RPSA2: variants seen among roughly 807,000 people sequenced by gnomAD.
RPSA2 encodes ribosomal protein SA 2.
the RPSA2 span, among the ~76,000 whole-genome samples, chr19:23,836,737 T>C: frequency 6.6e-6 from 1 of 152,192 alleles, no homozygotes; most frequent in Non-Finnish European, 1.5e-5. Flanking sequence ...TATCGCATTG[T>C]GGTTTGATTT....
chr19:23,780,026 A>G, the RPSA2 span, among the ~76,000 whole-genome samples: 11 of 152,172 alleles, frequency 7.2e-5, no homozygotes, highest in Admixed American at 6.5e-5. Context: ...TTGGTAACCT[A>G]CATCTCAGCC....
At chr19:23,828,378 A>G in the RPSA2 span, among the ~76,000 whole-genome samples, 1 of 143,982 alleles carries the variant, frequency 6.9e-6, no homozygotes, top group African/African-American at 2.6e-5. Context: ...GTCTCTGTAT[A>G]CTTTTGAGGT....
chr19:23,794,573 A>G, the RPSA2 span, among the ~76,000 whole-genome samples: 1 of 152,002 alleles, frequency 6.6e-6, no homozygotes, highest in South Asian at 2.1e-4. Flanking sequence ...TTTGTTATAG[A>G]TTCTGGATAT....
chr19:23,761,926 TTTTTTTTTTGAGATGGAG>T, the RPSA2 span, among the ~76,000 whole-genome samples: 4 of 124,780 alleles, frequency 3.2e-5, no homozygotes, highest in African/African-American at 9.8e-5. Flanking sequence ...CTTTCTTTTT[TTTTTTTTTTGAGATGGAG>T]TCTTGCTCTA....
At chr19:23,807,541 C>T in the RPSA2 span, among the ~76,000 whole-genome samples, 1 of 152,116 alleles carries the variant, frequency 6.6e-6, no homozygotes, top group Admixed American at 6.5e-5. Context: ...AAATATAGTA[C>T]TCAAAAATGT....
the RPSA2 span, among the ~76,000 whole-genome samples, chr19:23,802,924 CAA>C: frequency 6.6e-6 from 1 of 152,052 alleles, no homozygotes; most frequent in Admixed American, 6.6e-5. Context: ...TATTTATAAA[CAA>C]GAGTTATTAT....
chr19:23,824,064 C>A, the RPSA2 span, among the ~76,000 whole-genome samples: 1 of 152,132 alleles, frequency 6.6e-6, no homozygotes, highest in African/African-American at 2.4e-5. Context: ...AAAAGCTGAG[C>A]CCTGGACAAG....
chr19:23,824,340 C>T, the RPSA2 span, among the ~76,000 whole-genome samples: 4 of 143,646 alleles, frequency 2.8e-5, no homozygotes, highest in South Asian at 2.4e-4. Flanking sequence ...GTCTTGTGAC[C>T]TTGTCATGTT....
At chr19:23,761,931 T>TCTCTCTCTCTC in the RPSA2 span, among the ~76,000 whole-genome samples, 1 of 61,716 alleles carries the variant, frequency 1.6e-5, no homozygotes, top group African/African-American at 7.4e-5. Flanking sequence ...TTTTTTTTTT[T>TCTCTCTCTCTC]TTTTGAGATG....
At chr19:23,803,568 ATATT>A in the RPSA2 span, among the ~76,000 whole-genome samples, 19 of 152,022 alleles carry the variant, frequency 1.2e-4, no homozygotes, top group East Asian at 3.7e-3. Context: ...TCATCTGTCT[ATATT>A]TATATTCTAT....
At chr19:23,801,959 G>A in the RPSA2 span, among the ~76,000 whole-genome samples, 1 of 151,974 alleles carries the variant, frequency 6.6e-6, no homozygotes, top group Admixed American at 6.6e-5. Context: ...GATTGTACTC[G>A]CTGTAACAGC....
At chr19:23,864,261 G>A in the RPSA2 span, among the ~76,000 whole-genome samples, 2 of 152,176 alleles carry the variant, frequency 1.3e-5, no homozygotes, top group Admixed American at 1.3e-4. Context: ...TAATTTCTCT[G>A]AAGTAAACTC....
the RPSA2 span, chr19:23,828,176 A>C: frequency 1.6e-6 from 1 of 621,504 alleles, no homozygotes; most frequent in Non-Finnish European, 2.8e-6. Flanking sequence ...TACTTATATG[A>C]CCATATATGT....
chr19:23,805,115 TAAA>T, the RPSA2 span, among the ~76,000 whole-genome samples: 2 of 135,482 alleles, frequency 1.5e-5, no homozygotes, highest in Non-Finnish European at 3.1e-5. Flanking sequence ...ACCAAAAAAA[TAAA>T]AAGCACACAC....
At chr19:23,861,382 G>GC in the RPSA2 span, among the ~76,000 whole-genome samples, 24 of 152,086 alleles carry the variant, frequency 1.6e-4, no homozygotes, top group East Asian at 1.7e-3. Flanking sequence ...AGATAAGAGA[G>GC]CCCCCCCACT....
chr19:23,813,229 T>C, the RPSA2 span, among the ~76,000 whole-genome samples: 1 of 12,726 alleles, frequency 7.9e-5, no homozygotes, highest in East Asian at 2.7e-3. Context: ...TGAGACCCTG[T>C]CTCAAAAAAA....
At chr19:23,843,851 C>T in the RPSA2 span, among the ~76,000 whole-genome samples, 7 of 152,106 alleles carry the variant, frequency 4.6e-5, no homozygotes, top group Non-Finnish European at 7.4e-5. Context: ...TCTTTGCCTC[C>T]TGGGTTCAAG....
the RPSA2 span, among the ~76,000 whole-genome samples, chr19:23,781,429 C>T: frequency 6.6e-6 from 1 of 152,066 alleles, no homozygotes; most frequent in Admixed American, 6.6e-5. Flanking sequence ...ACTTCTGCCT[C>T]CTGGGTTCAA....
chr19:23,801,529 CTG>C, the RPSA2 span, among the ~76,000 whole-genome samples: 3 of 152,186 alleles, frequency 2.0e-5, no homozygotes, highest in African/African-American at 7.2e-5. Flanking sequence ...GCGTGAGCCA[CTG>C]TGGCTGTCTG....
Sources: gnomAD v4.1 joint callset for allele counts (sites outside exome capture counted in the v4.1 genomes callset) on GRCh38, gnomAD v4.1.1 for gene constraint, MANE v1.5 for transcripts, NCBI Gene and HGNC (gene_info 2026-07-23, HGNC 2026-07-21) for gene names.